Variants in MRAP2 observed in about 807,000 individuals in gnomAD.
The protein encoded by MRAP2 is melanocortin-2 receptor accessory protein 2.
Under a neutral mutation model 17.4 loss-of-function variants are expected in MRAP2, and 20 were observed. The observed-to-expected ratio is 1.15, with a 90% CI of 0.81 to 1.67. The LOEUF (loss-of-function observed/expected upper bound fraction) is 1.67. Ranked by LOEUF, MRAP2 falls within the 40% of genes most tolerant of loss-of-function variation. The probability of loss-of-function intolerance (pLI) is 0.00; values close to 1 mark genes in which losing one functional copy is unlikely to be tolerated. For missense variants in MRAP2, 238 were observed against 240.0 expected, an observed-to-expected ratio of 0.99 and a Z score of 0.05; for synonymous variants, 96 against 88.4, an observed-to-expected ratio of 1.09 and a Z score of -0.48.
the MRAP2 span, among the ~76,000 whole-genome samples, chr6:84,137,634 C>T: frequency 6.6e-6 from 1 of 151,926 alleles, no homozygotes; most frequent in Non-Finnish European, 1.5e-5. Context: ...TAGCATCAAT[C>T]CTTAGTTATC....
intron 3 of MRAP2, among the ~76,000 whole-genome samples, chr6:84,076,289 T>A (rs564825433): frequency 2.0e-5 from 3 of 151,350 alleles, no homozygotes; most frequent in African/African-American, 7.3e-5. Flanking sequence ...AGTGGCACGA[T>A]CTTAGCTGAC....
At chr6:84,100,376 A>T in the MRAP2 span, among the ~76,000 whole-genome samples, 1 of 151,598 alleles carries the variant, frequency 6.6e-6, no homozygotes, top group Non-Finnish European at 1.5e-5. Context: ...CCATCTTCCC[A>T]CCTCAGCCTC....
chr6:84,049,728 A>G (rs1191189122), intron 1 of MRAP2, among the ~76,000 whole-genome samples: 1 of 152,192 alleles, frequency 6.6e-6, no homozygotes, highest in African/African-American at 2.4e-5. Flanking sequence ...AGAAGTCTTC[A>G]GGCTTGGGAA....
At chr6:84,048,785 C>T (rs116250291) in intron 1 of MRAP2, among the ~76,000 whole-genome samples, 296 of 152,306 alleles carry the variant, frequency 1.9e-3, no homozygotes, top group African/African-American at 6.9e-3. Flanking sequence ...TCCCAGACCA[C>T]GTAAAACATG....
chr6:84,084,289 T>TTC (rs1554439622), intron 3 of MRAP2, among the ~76,000 whole-genome samples: 2 of 152,138 alleles, frequency 1.3e-5, no homozygotes, highest in East Asian at 1.9e-4. Context: ...AGGTTTTTTT[T>TTC]CCAGCTTTTT....
intron 1 of MRAP2, among the ~76,000 whole-genome samples, chr6:84,035,786 G>A (rs547816765): frequency 2.0e-5 from 3 of 152,204 alleles, no homozygotes; most frequent in East Asian, 3.9e-4. Context: ...AAAGCTGTTC[G>A]CTTCCTCCTC....
chr6:84,100,482 G>A, the MRAP2 span, among the ~76,000 whole-genome samples: 1 of 151,942 alleles, frequency 6.6e-6, no homozygotes, highest in Admixed American at 6.6e-5. Flanking sequence ...GTCCAGGCTG[G>A]TCTTGAACTC....
At chr6:84,039,052 A>G (rs147282913) in intron 1 of MRAP2, among the ~76,000 whole-genome samples, 3 of 152,344 alleles carry the variant, frequency 2.0e-5, no homozygotes, top group Admixed American at 6.5e-5. Context: ...ACTTAGAGGC[A>G]GAAGCAGTTA....
intron 1 of MRAP2, among the ~76,000 whole-genome samples, chr6:84,054,412 TAACA>T (rs557107305): frequency 6.6e-5 from 10 of 152,220 alleles, no homozygotes; most frequent in Non-Finnish European, 1.2e-4. Flanking sequence ...TAGTCACAGT[TAACA>T]AAGATACTTG....
At chr6:84,085,019 A>G (rs2099500045) in intron 3 of MRAP2, among the ~76,000 whole-genome samples, 1 of 151,070 alleles carries the variant, frequency 6.6e-6, no homozygotes, top group African/African-American at 2.4e-5. Flanking sequence ...ATATATGTAT[A>G]CATGTGCCAT....
the MRAP2 span, among the ~76,000 whole-genome samples, chr6:84,105,678 A>G: frequency 6.6e-6 from 1 of 152,156 alleles, no homozygotes; most frequent in Non-Finnish European, 1.5e-5. Flanking sequence ...ATTGTGGAGT[A>G]GCAGTCCAAT....
chr6:84,035,688 C>G (rs565621647), intron 1 of MRAP2, among the ~76,000 whole-genome samples: 15 of 152,192 alleles, frequency 9.9e-5, no homozygotes, highest in Admixed American at 9.8e-4. Flanking sequence ...CTAGCTGCCC[C>G]CTTTCAGCCT....
the MRAP2 span, among the ~76,000 whole-genome samples, chr6:84,114,986 G>A: frequency 2.0e-5 from 3 of 152,196 alleles, no homozygotes; most frequent in Non-Finnish European, 4.4e-5. Context: ...GCCAGCCAGA[G>A]CTCTCCTGTA....
chr6:84,122,686 C>G, the MRAP2 span, among the ~76,000 whole-genome samples: 1 of 152,074 alleles, frequency 6.6e-6, no homozygotes, highest in Non-Finnish European at 1.5e-5. Flanking sequence ...AGAATGTGCA[C>G]TCTCACCACG....
chr6:84,084,121 G>C (rs1420072855), intron 3 of MRAP2, among the ~76,000 whole-genome samples: 5 of 152,044 alleles, frequency 3.3e-5, no homozygotes. Context: ...AATGAGTTTA[G>C]GGTATATTTT....
At chr6:84,061,544 A>G (rs2099493174) in intron 2 of MRAP2, among the ~76,000 whole-genome samples, 1 of 152,244 alleles carries the variant, frequency 6.6e-6, no homozygotes, top group South Asian at 2.1e-4. Context: ...GAGACAACAC[A>G]TCAATTATGG....
chr6:84,121,086 T>A, the MRAP2 span, among the ~76,000 whole-genome samples: 1 of 151,574 alleles, frequency 6.6e-6, no homozygotes, highest in African/African-American at 2.4e-5. Context: ...AATTTTTTTT[T>A]TTTTTTTACA....
chr6:84,069,523 A>T (rs557843319), intron 3 of MRAP2, among the ~76,000 whole-genome samples: 1 of 152,240 alleles, frequency 6.6e-6, no homozygotes, highest in Admixed American at 6.5e-5. Context: ...TTTAGCATCT[A>T]TGTTCATCAA....
rs138960141 is a variant in MRAP2, at chr6:84,038,302, C to G, written c.-8+4419C>G. 8.7e-4 allele frequency among the ~76,000 whole-genome samples: 132 copies of G among 152,294 alleles called. 1 individual carries two copies. Among genetic ancestry groups the G allele is most frequent in the African/African-American group, 2.8e-3 (118 of 41,558 alleles). ...GCTTTGGTCTTGGAGTGATGTGAAA[C>G]TAGCTAGCAGTTGAGTGGATGGTGG... On this transcript the variant is annotated intron_variant, in intron 1 of 3. Coordinates refer to ENST00000257776, the MANE Select transcript of MRAP2 (RefSeq NM_138409.4).
Sources: gnomAD v4.1 joint callset for allele counts (sites outside exome capture counted in the v4.1 genomes callset) on GRCh38, gnomAD v4.1.1 for gene constraint, MANE v1.5 for transcripts, NCBI Gene and HGNC (gene_info 2026-07-23, HGNC 2026-07-21) for gene names.